The following EPM2A variants were observed in gnomAD, a reference collection of about 807,000 sequenced individuals.
EPM2A encodes the protein laforin.
A neutral mutation model predicts 26.5 loss-of-function variants in EPM2A; 21 were observed. The observed-to-expected ratio is 0.79, with a 90% CI of 0.56 to 1.14. The LOEUF is 1.14. Ranked by LOEUF, EPM2A falls within the 50% of genes most tolerant of loss-of-function variation. EPM2A has a pLI of 0.00. For synonymous variants in EPM2A, 217 were observed against 177.6 expected (o/e 1.22, Z -1.76); for missense variants, 458 against 440.8 (o/e 1.04, Z -0.35).
chr6:145,472,217 C>T (rs9497318), intron 4 of EPM2A, among the ~76,000 whole-genome samples: 9,849 of 151,570 alleles, frequency 0.065, 1,051 homozygotes, highest in African/African-American at 0.22. Context: ...GCATTCATCA[C>T]TTACTAACTG....
At chr6:145,467,930 A>ATT (rs1779421027) in intron 4 of EPM2A, among the ~76,000 whole-genome samples, 1 of 151,620 alleles carries the variant, frequency 6.6e-6, no homozygotes, top group South Asian at 2.1e-4. Context: ...TGTGCATTAA[A>ATT]TTTTCCTTAG....
intron 2 of EPM2A, among the ~76,000 whole-genome samples, chr6:145,568,666 A>G (rs1185243140): frequency 1.3e-5 from 2 of 152,098 alleles, no homozygotes; most frequent in Admixed American, 1.3e-4. Context: ...CTTTGTTAAG[A>G]GCATGCCAAG....
At chr6:145,627,961 T>G (rs540011958) in intron 3 of EPM2A, 12 of 502,924 alleles carry the variant, frequency 2.4e-5, no homozygotes, top group African/African-American at 2.3e-4. Flanking sequence ...TCGCCATCCA[T>G]GCAAATATCC....
intron 4 of EPM2A, among the ~76,000 whole-genome samples, chr6:145,494,573 C>T (rs575351413): frequency 2.0e-5 from 3 of 151,984 alleles, no homozygotes; most frequent in Admixed American, 6.6e-5. Context: ...TTAGTTGGGA[C>T]GTTAGGTTGT....
chr6:145,681,887 T>C (rs1562483732), intron 2 of EPM2A, among the ~76,000 whole-genome samples: 1 of 152,122 alleles, frequency 6.6e-6, no homozygotes, highest in Non-Finnish European at 1.5e-5. Flanking sequence ...GCATTCCCAG[T>C]AAAGTCCTAT....
intron 4 of EPM2A, among the ~76,000 whole-genome samples, chr6:145,394,311 T>C (rs1778377151): frequency 6.6e-6 from 1 of 152,096 alleles, no homozygotes; most frequent in African/African-American, 2.4e-5. Flanking sequence ...CTCATGTCTT[T>C]CCCATGTCAG....
chr6:145,559,852 T>A (rs1362550915), intron 2 of EPM2A, among the ~76,000 whole-genome samples: 4 of 152,074 alleles, frequency 2.6e-5, no homozygotes, highest in Non-Finnish European at 5.9e-5. Context: ...TGTGGTCACA[T>A]AACCCAAACT....
intron 2 of EPM2A, among the ~76,000 whole-genome samples, chr6:145,514,896 A>C (rs982594741): frequency 1.3e-5 from 2 of 152,220 alleles, no homozygotes; most frequent in Non-Finnish European, 2.9e-5. Flanking sequence ...CAAGCCACTC[A>C]TCTACTCCTA....
chr6:145,511,339 A>G (rs1318213862), intron 2 of EPM2A, among the ~76,000 whole-genome samples: 1 of 152,230 alleles, frequency 6.6e-6, no homozygotes, highest in Non-Finnish European at 1.5e-5. Context: ...TAATGAACAT[A>G]GGCACAAAAA....
chr6:145,641,069 G>A (rs1303373527), intron 2 of EPM2A: 1 of 152,170 alleles, frequency 6.6e-6, no homozygotes, highest in African/African-American at 2.4e-5. Flanking sequence ...GATGTACTGT[G>A]TAGTTTAGAG....
intron 4 of EPM2A, among the ~76,000 whole-genome samples, chr6:145,418,721 G>A (rs78449531): frequency 0.063 from 9,578 of 152,120 alleles, 321 homozygotes; most frequent in African/African-American, 0.087. Context: ...TCATGACCCC[G>A]CTTGACTGAA....
chr6:145,725,778 T>C (rs953059773), intron 1 of EPM2A, among the ~76,000 whole-genome samples: 4 of 151,994 alleles, frequency 2.6e-5, no homozygotes, highest in Admixed American at 6.6e-5. Context: ...AAGGGTTGAA[T>C]AGACAAAAGA....
intron 1 of EPM2A, among the ~76,000 whole-genome samples, chr6:145,690,429 G>C (rs1781203135): frequency 6.7e-6 from 1 of 150,024 alleles, no homozygotes; most frequent in African/African-American, 2.5e-5. Flanking sequence ...AGAATGGCGT[G>C]AACCCGGGAA....
intron 4 of EPM2A, among the ~76,000 whole-genome samples, chr6:145,422,076 TAGAG>T (rs61310193): frequency 1.4e-4 from 19 of 138,658 alleles, no homozygotes; most frequent in African/African-American, 4.2e-4. Flanking sequence ...TATATATATA[TAGAG>T]AGAGAGAGAG....
intron 1 of EPM2A, among the ~76,000 whole-genome samples, chr6:145,728,920 C>T (rs1376979097): frequency 6.6e-6 from 1 of 152,144 alleles, no homozygotes; most frequent in Non-Finnish European, 1.5e-5. Context: ...GTTTCACAGG[C>T]CCAGGGCCTC....
chr6:145,510,154 A>C (rs1053735981), intron 2 of EPM2A, among the ~76,000 whole-genome samples: 7 of 152,058 alleles, frequency 4.6e-5, no homozygotes, highest in Admixed American at 2.6e-4. Flanking sequence ...GGAATTCAAC[A>C]CCCCACTTAC....
At chr6:145,710,735 T>C (rs1170399105) in intron 1 of EPM2A, among the ~76,000 whole-genome samples, 2 of 152,022 alleles carry the variant, frequency 1.3e-5, no homozygotes, top group African/African-American at 2.4e-5. Context: ...TGTCCAACAA[T>C]GGTAGACTGG....
At chr6:145,518,865 A>G (rs532189420) in intron 2 of EPM2A, among the ~76,000 whole-genome samples, 2 of 152,314 alleles carry the variant, frequency 1.3e-5, no homozygotes, top group East Asian at 3.9e-4. Flanking sequence ...ATGGAAACAT[A>G]TATGGTGCAA....
At chr6:145,701,937 A>G (rs1444403232) in intron 1 of EPM2A, among the ~76,000 whole-genome samples, 1 of 152,160 alleles carries the variant, frequency 6.6e-6, no homozygotes, top group Non-Finnish European at 1.5e-5. Flanking sequence ...CAAGAAAGAG[A>G]GTACCAGTTA....
Sources: allele counts gnomAD v4.1 joint callset (sites outside exome capture counted in the v4.1 genomes callset), GRCh38; gene constraint gnomAD v4.1.1; transcripts MANE v1.5; gene names NCBI Gene and HGNC (gene_info 2026-07-23, HGNC 2026-07-21).